The following TMEM178B variants were observed in gnomAD, a reference collection of about 807,000 sequenced individuals.
TMEM178B encodes the protein transmembrane protein 178B.
A neutral mutation model predicts 31.0 loss-of-function variants in TMEM178B; 5 were observed. The observed-to-expected ratio is 0.16, with a 90% CI of 0.08 to 0.34. The LOEUF (loss-of-function observed/expected upper bound fraction) is 0.34, where lower values mean the gene tolerates loss of function less well. Among genes scored for constraint, TMEM178B ranks in the 10% least tolerant of loss-of-function variants. The pLI, the probability that TMEM178B is intolerant of heterozygous loss-of-function variation, is 1.00. For synonymous variants in TMEM178B, 164 were observed against 164.0 expected (o/e 1.00, Z 0.00); for missense variants, 275 against 400.3 (o/e 0.69, Z 2.67).
chr7:141,433,530 T>C (rs1801477516), intron 2 of TMEM178B, among the ~76,000 whole-genome samples: 1 of 152,222 alleles, frequency 6.6e-6, no homozygotes, highest in African/African-American at 2.4e-5. Context: ...CTAAGAAATC[T>C]CTTAACTGTA....
intron 2 of TMEM178B, among the ~76,000 whole-genome samples, chr7:141,343,618 C>T (rs902637852): frequency 1.2e-4 from 17 of 144,722 alleles, no homozygotes; most frequent in Admixed American, 5.1e-4. Context: ...GGTGCAATCT[C>T]GGCTCACTGC....
At chr7:141,494,596 A>G in the TMEM178B span, among the ~76,000 whole-genome samples, 4 of 152,192 alleles carry the variant, frequency 2.6e-5, no homozygotes, top group African/African-American at 4.8e-5. Context: ...CACCAACTGC[A>G]CTGAGTATAT....
At chr7:141,076,412 G>A (rs1178811985) in intron 1 of TMEM178B, among the ~76,000 whole-genome samples, 1 of 152,210 alleles carries the variant, frequency 6.6e-6, no homozygotes, top group African/African-American at 2.4e-5. Context: ...AGAATTTGTT[G>A]AAGGATATTC....
intron 2 of TMEM178B, among the ~76,000 whole-genome samples, chr7:141,253,543 T>TC (rs751063478): frequency 1.3e-3 from 157 of 123,156 alleles, no homozygotes; most frequent in African/African-American, 3.9e-3. Context: ...CATTTTCCCT[T>TC]CTTTTTTTTT....
chr7:141,405,614 C>T (rs908402689), intron 2 of TMEM178B, among the ~76,000 whole-genome samples: 5 of 152,244 alleles, frequency 3.3e-5, no homozygotes, highest in African/African-American at 1.2e-4. Context: ...CTCCCCACAT[C>T]ATACACAAAC....
intron 2 of TMEM178B, among the ~76,000 whole-genome samples, chr7:141,340,298 C>A (rs907112488): frequency 6.6e-6 from 1 of 152,180 alleles, no homozygotes; most frequent in African/African-American, 2.4e-5. Context: ...ACCTACAGAA[C>A]TGTAAGATAA....
intron 2 of TMEM178B, among the ~76,000 whole-genome samples, chr7:141,263,245 G>GCATT (rs1223308452): frequency 6.6e-6 from 1 of 152,168 alleles, no homozygotes; most frequent in African/African-American, 2.4e-5. Context: ...GCTTCCCTGA[G>GCATT]CATTCCTCTG....
rs905983467 is a variant in TMEM178B, at chr7:141,340,772, C to T, written c.497-96836C>T. Among the ~76,000 whole-genome samples, 19 of 152,168 alleles carry T rather than the reference C, an allele frequency of 1.2e-4. 1 individual carries two copies. Among genetic ancestry groups the T allele is most frequent in the Admixed American group, 5.9e-4 (9 of 15,280 alleles). On this transcript the variant is annotated intron_variant, in intron 2 of 3. Transcript: ENST00000565468. ...ACCTGATCGTTTGGTGGGTCATTGA[C>T]GGATTTTATAAATATTGCATGAGCC...
chr7:141,468,571 A>G (rs551591355), intron 3 of TMEM178B, among the ~76,000 whole-genome samples: 11 of 152,318 alleles, frequency 7.2e-5, no homozygotes, highest in African/African-American at 2.6e-4. Context: ...CCTTATCAGT[A>G]AAATGGGGAT....
chr7:141,261,724 G>A (rs977126172), intron 2 of TMEM178B, among the ~76,000 whole-genome samples: 1 of 152,126 alleles, frequency 6.6e-6, no homozygotes, highest in Non-Finnish European at 1.5e-5. Flanking sequence ...CAAGGGCCAG[G>A]GAAAGAAAAG....
intron 1 of TMEM178B, among the ~76,000 whole-genome samples, chr7:141,123,928 T>C (rs769545951): frequency 2.0e-4 from 31 of 152,170 alleles, no homozygotes; most frequent in Non-Finnish European, 2.8e-4. Context: ...ATTTTTTTTG[T>C]ATTCTTTGTG....
chr7:141,339,989 C>A (rs941038637), intron 2 of TMEM178B, among the ~76,000 whole-genome samples: 1 of 152,256 alleles, frequency 6.6e-6, no homozygotes, highest in Non-Finnish European at 1.5e-5. Flanking sequence ...GAAAAAGGTA[C>A]TGTGTGGACA....
intron 1 of TMEM178B, among the ~76,000 whole-genome samples, chr7:141,176,744 A>G (rs1410157024): frequency 6.6e-6 from 1 of 152,150 alleles, no homozygotes; most frequent in Non-Finnish European, 1.5e-5. Flanking sequence ...GTTTATTTGC[A>G]TAGAGGTGCT....
At chr7:141,244,974 C>G (rs1056562067) in intron 2 of TMEM178B, among the ~76,000 whole-genome samples, 3 of 151,284 alleles carry the variant, frequency 2.0e-5, no homozygotes, top group Non-Finnish European at 4.4e-5. Flanking sequence ...CCCATCTCTA[C>G]TAAAAATACA....
At chr7:141,148,521 G>A (rs1464021845) in intron 1 of TMEM178B, among the ~76,000 whole-genome samples, 2 of 152,220 alleles carry the variant, frequency 1.3e-5, no homozygotes, top group Non-Finnish European at 2.9e-5. Context: ...GGGATGGGAG[G>A]AGATGGTCAA....
At chr7:141,497,046 T>G in the TMEM178B span, among the ~76,000 whole-genome samples, 14,616 of 151,918 alleles carry the variant, frequency 0.096, 2,093 homozygotes, top group African/African-American at 0.32. Context: ...GGCTGCAGGC[T>G]TGAGCCTGAG....
intron 2 of TMEM178B, among the ~76,000 whole-genome samples, chr7:141,217,951 A>G (rs1195027493): frequency 2.0e-5 from 3 of 151,950 alleles, no homozygotes; most frequent in African/African-American, 7.3e-5. Context: ...GTGTTTTTTG[A>G]AGCTTTCTTC....
At chr7:141,168,639 G>A (rs1367694953) in intron 1 of TMEM178B, among the ~76,000 whole-genome samples, 2 of 151,886 alleles carry the variant, frequency 1.3e-5, no homozygotes, top group African/African-American at 2.4e-5. Context: ...GTGTGGTGGC[G>A]AGCACCTCTA....
At position 141,465,995 on chromosome 7, in the gene TMEM178B, T is replaced by G. The variant is rs535367725; in HGVS notation, c.635-4541T>G. ...CTATGATTGTACCACTGCACTCTAG[T>G]CTGGGCAAGAGAAGAGAACCTGTCT... On this transcript the variant is annotated intron_variant, in intron 3 of 3. Coordinates refer to ENST00000565468, the MANE Select transcript of TMEM178B (RefSeq NM_001195278.2). 1.1e-4 allele frequency among the ~76,000 whole-genome samples: 16 copies of G among 152,330 alleles called. 1 individual carries two copies. The South Asian group carries it at 3.3e-3, about 32-fold the overall frequency.
Sources: allele counts gnomAD v4.1 joint callset (sites outside exome capture counted in the v4.1 genomes callset), GRCh38; gene constraint gnomAD v4.1.1; transcripts MANE v1.5; gene names NCBI Gene and HGNC (gene_info 2026-07-23, HGNC 2026-07-21).